Variants in CD99 observed in about 807,000 individuals in gnomAD.
CD99 encodes CD99 molecule (Xg blood group), also known as CD99 antigen.
Under a neutral mutation model 28.4 loss-of-function variants are expected in CD99, and 19 were observed. That is an observed-to-expected ratio of 0.67 (90% CI 0.47 to 0.98). The LOEUF (loss-of-function observed/expected upper bound fraction) is 0.98. CD99 is among the 50% of genes least tolerant of loss of function. The pLI, the probability that CD99 is intolerant of heterozygous loss-of-function variation, is 0.00. For synonymous variants in CD99, 103 were observed against 92.1 expected, an observed-to-expected ratio of 1.12 and a Z score of -0.67; for missense variants, 283 against 248.8, an observed-to-expected ratio of 1.14 and a Z score of -0.92.
Position 2,726,377 on chromosome X carries a change from A to G in CD99, c.475+4A>G. On this transcript the variant is annotated splice_donor_region_variant and intron_variant, in intron 8 of 9. Coordinates refer to ENST00000381192, the MANE Select transcript of CD99 (RefSeq NM_002414.5). ...AAGCTATGCTTCAAAGAAAATGGTA[A>G]GTCTCAGTCCGCCGGTGCCTCTCCT... 1 of 1,568,054 alleles carries G rather than the reference A, an allele frequency of 6.4e-7. No individual in the cohort carries two copies. Among genetic ancestry groups the G allele is most frequent in the South Asian group, 1.1e-5 (1 of 90,046 alleles).
chrX:2,696,564 C>A (rs1298097291), intron 1 of CD99, among the ~76,000 whole-genome samples: 2 of 152,074 alleles, frequency 1.3e-5, no homozygotes, highest in African/African-American at 4.8e-5. Context: ...CCACACCTGG[C>A]TAATTTTTGT....
intron 8 of CD99, among the ~76,000 whole-genome samples, chrX:2,728,640 T>G (rs1427328376): frequency 6.6e-6 from 1 of 152,114 alleles, no homozygotes; most frequent in Non-Finnish European, 1.5e-5. Context: ...CTCTTGCTTC[T>G]TCTAGAAGTA....
intron 1 of CD99, among the ~76,000 whole-genome samples, chrX:2,699,808 G>A (rs1372973330): frequency 6.6e-6 from 1 of 152,144 alleles, no homozygotes; most frequent in African/African-American, 2.4e-5. Flanking sequence ...TGGCTGAGTT[G>A]TCAAGAATCA....
Position 2,723,347 on chromosome X carries a change from G to A in CD99, c.344G>A (p.Arg115Lys). The change falls in exon 7 of 10, where the codon AGG (arginine) becomes AAG (lysine). Residue 115 changes from arginine (R) to lysine (K), a missense_variant. Transcript: ENST00000381192. ...KGGSDGGGSH[R>K]KEGEEADAPG... ...GGCAGTGATGGTGGAGGCAGCCACA[G>A]GAAAGAAGGGGAAGAGGGTAGGTGC... 1 of 1,613,976 alleles carries A rather than the reference G, an allele frequency of 6.2e-7. No homozygotes were observed. The highest frequency in any genetic ancestry group is 8.5e-7 in the Non-Finnish European group (1 of 1,179,856).
At chrX:2,739,904 C>A (rs1198923677) in intron 9 of CD99, among the ~76,000 whole-genome samples, 1 of 140,362 alleles carries the variant, frequency 7.1e-6, no homozygotes, top group African/African-American at 2.7e-5. Flanking sequence ...GGAGAAACCA[C>A]GTCTCTACTA....
rs1264709549 is a variant in CD99, at chrX:2,740,631, T to C, written c.533-148T>C. On this transcript the variant is annotated intron_variant, in intron 9 of 9. Transcript: ENST00000381192. ...ATGAAATTGATTGAATTGATTGAGA[T>C]TTAGGGTTTTGCTTTCTCGTGATGA... The C allele has an allele frequency of 6.0e-6, 4 of 670,096 alleles. No homozygotes were observed. In the East Asian group the frequency reaches 7.6e-5, roughly 13 times the overall value. The allele number at this position is 670,096 out of a possible 1,614,324, so 41.5% of individuals were successfully genotyped here.
intron 1 of CD99, among the ~76,000 whole-genome samples, chrX:2,713,235 AAC>A (rs1282068867): frequency 6.6e-6 from 1 of 151,848 alleles, no homozygotes; most frequent in Admixed American, 6.6e-5. Context: ...GGCACACAGA[AAC>A]ACACCTACAC....
intron 8 of CD99, among the ~76,000 whole-genome samples, chrX:2,727,642 A>G (rs917870216): frequency 1.3e-4 from 20 of 151,852 alleles, no homozygotes; most frequent in African/African-American, 4.6e-4. Context: ...ACGCCCGGCT[A>G]ATTTCTGTAT....
chrX:2,691,645 CGTTT>C (rs1203214119), intron 1 of CD99: 2 of 710,122 alleles, frequency 2.8e-6, no homozygotes, highest in Non-Finnish European at 5.1e-6. Flanking sequence ...GAAAAGTCAG[CGTTT>C]GTTGTCGGAG....
intron 1 of CD99, chrX:2,691,689 G>C (rs1236831205): frequency 1.4e-6 from 1 of 703,352 alleles, no homozygotes; most frequent in Non-Finnish European, 2.6e-6. Context: ...GGGCGGCCTT[G>C]GGAGAGGTGC....
chrX:2,719,895 C>T (rs2048913934), intron 4 of CD99, among the ~76,000 whole-genome samples, 190 bp downstream of exon 4: 1 of 152,124 alleles, frequency 6.6e-6, no homozygotes, highest in Non-Finnish European at 1.5e-5. Context: ...AGTACGTGTG[C>T]TTTTATTTTA....
At chrX:2,706,155 C>G (rs919965051) in intron 1 of CD99, among the ~76,000 whole-genome samples, 2 of 151,434 alleles carry the variant, frequency 1.3e-5, no homozygotes, top group Admixed American at 1.3e-4. Context: ...TTCAGGAGAT[C>G]GAGACCATCC....
In CD99 at chrX:2,720,413, C is replaced by G. The variant is rs755750904; in HGVS notation, c.251C>G (p.Pro84Arg). The G allele has an allele frequency of 5.0e-6, 8 of 1,613,796 alleles. No homozygotes were observed. The highest frequency in any genetic ancestry group is 6.8e-6 in the Non-Finnish European group (8 of 1,179,786). Reference sequence around the variant, plus strand: ...ATGCCAAATCCAAACCCCAACCACCCTAGTTCCTCCGGTAAGAGTCTCTGA... The same window carrying G: ...ATGCCAAATCCAAACCCCAACCACCGTAGTTCCTCCGGTAAGAGTCTCTGA... ...KPMPNPNPNH[P>R]SSSGSFSDAD... Residue 84 changes from proline (P) to arginine (R), a missense_variant, in exon 5 of 10, where the codon CCT becomes CGT. Transcript: ENST00000381192.
chrX:2,733,275 C>T, intron 8 of CD99: 2 of 1,403,128 alleles, frequency 1.4e-6, no homozygotes, highest in East Asian at 2.5e-5. Context: ...TGCTGGGAGC[C>T]CCAGCGCACA....
intron 4 of CD99, 138 bp from the exon 5 acceptor site, chrX:2,720,218 T>G (rs2048927421): frequency 1.5e-6 from 1 of 688,956 alleles, no homozygotes; most frequent in South Asian, 1.8e-5. Flanking sequence ...GGCAGGAGAC[T>G]GTGTGTGTAC....
chrX:2,706,388 A>G (rs748448139), intron 1 of CD99, among the ~76,000 whole-genome samples: 1 of 152,062 alleles, frequency 6.6e-6, no homozygotes, highest in African/African-American at 2.4e-5. Flanking sequence ...AAAACAAAAA[A>G]CGCTTTGCCT....
intron 9 of CD99, among the ~76,000 whole-genome samples, chrX:2,740,386 A>G (rs1454921709): frequency 3.9e-5 from 6 of 152,176 alleles, no homozygotes; most frequent in Non-Finnish European, 8.8e-5. Context: ...TGCAGAATAA[A>G]GTTTCCAAAA....
intron 1 of CD99, among the ~76,000 whole-genome samples, chrX:2,698,051 T>A (rs2047657504): frequency 6.6e-6 from 1 of 151,992 alleles, no homozygotes; most frequent in Non-Finnish European, 1.5e-5. Context: ...TAGCATCCGA[T>A]AGACAGACAA....
chrX:2,694,279 GTT>G (rs779912180), intron 1 of CD99, among the ~76,000 whole-genome samples: 7 of 140,998 alleles, frequency 5.0e-5, no homozygotes, highest in Non-Finnish European at 4.7e-5. Flanking sequence ...GGGCTTCGTT[GTT>G]TTTTTTTTTT....
Sources: gnomAD v4.1 joint callset for allele counts (sites outside exome capture counted in the v4.1 genomes callset) on GRCh38, gnomAD v4.1.1 for gene constraint, MANE v1.5 for transcripts, NCBI Gene and HGNC (gene_info 2026-07-23, HGNC 2026-07-21) for gene names.